Variants in JPT2 observed in about 807,000 individuals in gnomAD.
The protein encoded by JPT2 is CRAMP_1 like.
JPT2 carries 9 observed loss-of-function variants against 15.9 expected under a neutral mutation model. The observed-to-expected ratio is 0.57, with a 90% CI of 0.34 to 0.99. The LOEUF is 0.99. JPT2 is among the 50% of genes least tolerant of loss of function. JPT2 has a pLI of 0.02. For missense variants in JPT2, 267 were observed against 252.1 expected (o/e 1.06, Z -0.40); for synonymous variants, 95 against 91.7 (o/e 1.04, Z -0.21).
chr16:1,678,915 T>C (rs2036997457), intron 1 of JPT2, among the ~76,000 whole-genome samples: 2 of 152,184 alleles, frequency 1.3e-5, no homozygotes, highest in African/African-American at 4.8e-5. Flanking sequence ...CACTAGTTCA[T>C]GTGAGTCCAC....
rs368670020 is a variant in JPT2 at position 1,698,857 on chromosome 16, C to G, written c.432C>G (p.Ser144Arg). The G allele has an allele frequency of 1.2e-6, 2 of 1,614,102 alleles. No homozygotes were observed. ...PAGAEPGEKG[S>R]ARKAGPAKEQ... Reference sequence around the variant, plus strand: ...GAGCAGAGCCAGGTGAGAAAGGCAGCGCCAGAAAAGCAGGCCCCGCCAAGG... The same window carrying G: ...GAGCAGAGCCAGGTGAGAAAGGCAGGGCCAGAAAAGCAGGCCCCGCCAAGG... The change falls in exon 5 of 5, where the codon AGC becomes AGG. Residue 144 changes from serine (S) to arginine (R), a missense_variant. Ser to Arg is a moderately radical substitution (Grantham distance 110). Coordinates refer to ENST00000248098, the MANE Select transcript of JPT2 (RefSeq NM_144570.3). This position sits in a 1 kb window ranked among gnomAD's most constrained non-coding sequence, Gnocchi z 4.9.
At chr16:1,683,481 T>TC in intron 1 of JPT2, 1 of 1,468,092 alleles carries the variant, frequency 6.8e-7, no homozygotes, top group Non-Finnish European at 9.1e-7. Context: ...CACCTGTCTT[T>TC]TTTTTTCTCC....
intron 1 of JPT2, among the ~76,000 whole-genome samples, chr16:1,684,384 C>T (rs1177654174): frequency 1.3e-5 from 2 of 152,144 alleles, no homozygotes; most frequent in Non-Finnish European, 2.9e-5. Flanking sequence ...GTAGATAGTG[C>T]TCTAGAAATA....
At chr16:1,687,703 T>A (rs891201041) in intron 2 of JPT2, among the ~76,000 whole-genome samples, 11 of 152,334 alleles carry the variant, frequency 7.2e-5, no homozygotes, top group African/African-American at 2.6e-4. Context: ...CCATGCCAGG[T>A]TCCTGCTTCT....
intron 3 of JPT2, among the ~76,000 whole-genome samples, chr16:1,696,255 C>T (rs2142229935): frequency 7.1e-6 from 1 of 140,866 alleles, no homozygotes; most frequent in East Asian, 2.2e-4. Context: ...AACAAAAAAG[C>T]CTGGGCACAG....
intron 3 of JPT2, among the ~76,000 whole-genome samples, chr16:1,695,727 C>G (rs554127597): frequency 6.6e-6 from 1 of 151,790 alleles, no homozygotes; most frequent in African/African-American, 2.4e-5. Flanking sequence ...AAAAATTACC[C>G]GGGCATGGTG....
chr16:1,698,964 C>T lies in JPT2; in HGVS notation c.539C>T (p.Pro180Leu), dbSNP rs1165875906. The part of the protein sequence containing the change: ...RPRSHNKVLN[P>L]PGGKSSISFY The stretch of plus-strand genomic sequence containing the variant: ...CGCTCTCACAACAAGGTCCTGAACC[C>T]ACCGGGAGGCAAATCCAGCATCTCC... The change falls in exon 5 of 5, where the codon CCA (proline) becomes CTA (leucine). Residue 180 changes from proline (P) to leucine (L), a missense_variant. Transcript: ENST00000248098. The surrounding 1 kb of genome is among the most constrained non-coding windows in gnomAD (Gnocchi z 4.9). 6.2e-7 allele frequency: 1 copy of T among 1,613,336 alleles called. No individual in the cohort carries two copies. Among genetic ancestry groups the T allele is most frequent in the Non-Finnish European group, 8.5e-7 (1 of 1,179,688 alleles).
At position 1,685,516 on chromosome 16, in the gene JPT2, A is replaced by G. The variant is rs1182849352; in HGVS notation, c.122A>G (p.Asn41Ser). The stretch of plus-strand genomic sequence containing the variant: ...GAAGCTACTCCTTCCAGCAGGCCTA[A>G]TAGGATGGCATCTAATATTTTTGGA... ...PEEATPSSRP[N>S]RMASNIFGPT... is the part of the protein sequence containing the mutation. Residue 41 changes from asparagine (N) to serine (S), a missense_variant, in exon 2 of 5, where the codon AAT (asparagine) becomes AGT (serine). Transcript: ENST00000248098. The G allele has an allele frequency of 6.2e-7, 1 of 1,614,144 alleles. No homozygotes were observed. The highest frequency in any genetic ancestry group is 1.7e-5 in the Admixed American group (1 of 60,020).
At chr16:1,694,934 T>G (rs1299707208) in intron 3 of JPT2, among the ~76,000 whole-genome samples, 1 of 152,196 alleles carries the variant, frequency 6.6e-6, no homozygotes, top group Non-Finnish European at 1.5e-5. Context: ...AATGGAGGTT[T>G]AGATATGACA....
Position 1,699,079 on chromosome 16 carries a change from T to C in JPT2, c.*81T>C. 7.0e-7 allele frequency: 1 copy of C among 1,429,728 alleles called. No individual in the cohort carries two copies. Among genetic ancestry groups the C allele is most frequent in the Non-Finnish European group, 9.8e-7 (1 of 1,023,684 alleles). 88.6% of individuals were successfully genotyped at this position (1,429,728 alleles called of 1,614,324 possible). ...ATGTTTTCATTTCCTTTTGCCCAAA[T>C]GAGCGGGGTGGGAAGAGGGTTAGTC... On this transcript the variant is annotated 3_prime_UTR_variant, in exon 5 of 5. Coordinates refer to ENST00000248098, the MANE Select transcript of JPT2 (RefSeq NM_144570.3).
At chr16:1,678,871 T>C (rs1035547560) in intron 1 of JPT2, among the ~76,000 whole-genome samples, 4 of 152,184 alleles carry the variant, frequency 2.6e-5, no homozygotes, top group Admixed American at 2.0e-4. Flanking sequence ...CCCTGGTGTG[T>C]GTGTGGCCTG....
chr16:1,694,480 G>GA (rs1411969413), intron 3 of JPT2, among the ~76,000 whole-genome samples: 2 of 152,150 alleles, frequency 1.3e-5, no homozygotes, highest in African/African-American at 2.4e-5. Flanking sequence ...TCTGTAATGG[G>GA]AAAAAAGTCC....
intron 1 of JPT2, among the ~76,000 whole-genome samples, chr16:1,681,782 G>C (rs2037024921): frequency 6.6e-6 from 1 of 152,214 alleles, no homozygotes; most frequent in African/African-American, 2.4e-5. Context: ...AAGGGTGAAA[G>C]GCAGAGGAGA....
chr16:1,681,294 T>C (rs1281845872), intron 1 of JPT2, among the ~76,000 whole-genome samples: 1 of 152,218 alleles, frequency 6.6e-6, no homozygotes, highest in Non-Finnish European at 1.5e-5. Flanking sequence ...AAACCTGCAG[T>C]GGGACCTGTT....
At chr16:1,683,655 A>G (rs1390878986) in intron 1 of JPT2, 2 of 1,179,556 alleles carry the variant, frequency 1.7e-6, no homozygotes. Context: ...CTGCAGGCGG[A>G]GACTGAAGCA....
Position 1,682,437 on chromosome 16 carries a change from T to C in JPT2, c.45-3002T>C, listed in dbSNP as rs1324449150. ...CTGTAATCCCAGCACTTTGGGAGGC[T>C]GAGGTGGGCGGATCACCTGAGGTCA... On this transcript the variant is annotated intron_variant, in intron 1 of 4. Coordinates refer to ENST00000248098, the MANE Select transcript of JPT2 (RefSeq NM_144570.3). Among the ~76,000 whole-genome samples the C allele has an allele frequency of 5.3e-5, 8 of 150,408 alleles. No homozygotes were observed. The South Asian group carries it at 8.5e-4, about 16-fold the overall frequency.
chr16:1,693,604 T>C (rs1240754679), intron 3 of JPT2, among the ~76,000 whole-genome samples: 2 of 152,116 alleles, frequency 1.3e-5, no homozygotes, highest in Non-Finnish European at 2.9e-5. Context: ...GGTAGAGGAC[T>C]GTAGGACATC....
intron 1 of JPT2, chr16:1,683,478 C>CTTT: frequency 2.1e-6 from 3 of 1,413,006 alleles, no homozygotes; most frequent in Admixed American, 4.3e-5. Flanking sequence ...GTGCACCTGT[C>CTTT]TTTTTTTTTC....
intron 1 of JPT2, among the ~76,000 whole-genome samples, chr16:1,678,861 C>G (rs1197861474): frequency 6.6e-6 from 1 of 152,170 alleles, no homozygotes; most frequent in African/African-American, 2.4e-5. Context: ...GTGCCCGTGT[C>G]CCTGGTGTGT....
Sources: gnomAD v4.1 joint callset for allele counts (sites outside exome capture counted in the v4.1 genomes callset) on GRCh38, gnomAD v4.1.1 for gene constraint, Gnocchi (gnomAD v3.1) non-coding constraint, MANE v1.5 for transcripts, NCBI Gene and HGNC (gene_info 2026-07-23, HGNC 2026-07-21) for gene names.